Variants in INPP4B observed in about 807,000 individuals in gnomAD.
The protein encoded by INPP4B is inositol polyphosphate-4-phosphatase type II B.
INPP4B carries 55 observed loss-of-function variants against 122.5 expected under a neutral mutation model. The ratio of observed to expected loss-of-function variants is 0.45; its 90% CI spans 0.36 to 0.56. The LOEUF is 0.56. Among genes scored for constraint, INPP4B ranks in the 20% least tolerant of loss-of-function variants. INPP4B has a pLI of 0.00. For missense variants in INPP4B, 1,000 were observed against 1,097.7 expected, an observed-to-expected ratio of 0.91 and a Z score of 1.26; for synonymous variants, 403 against 388.7, an observed-to-expected ratio of 1.04 and a Z score of -0.43.
chr4:142,080,155 G>A (rs1417189751), intron 25 of INPP4B, among the ~76,000 whole-genome samples: 1 of 152,044 alleles, frequency 6.6e-6, no homozygotes, highest in Non-Finnish European at 1.5e-5. Flanking sequence ...GGCACTAAGA[G>A]GCAGTGAGAG....
intron 2 of INPP4B, among the ~76,000 whole-genome samples, chr4:142,601,371 G>A (rs191416206): frequency 2.1e-4 from 32 of 151,950 alleles, no homozygotes; most frequent in African/African-American, 7.7e-4. Context: ...TAACAGTATG[G>A]TATAAAATTA....
intron 1 of INPP4B, among the ~76,000 whole-genome samples, chr4:142,831,150 C>T (rs1257199677): frequency 2.6e-5 from 4 of 152,164 alleles, no homozygotes; most frequent in Non-Finnish European, 5.9e-5. Context: ...GATACATCCT[C>T]CCCTCACCCA....
chr4:142,158,392 T>C (rs942766914), intron 17 of INPP4B, among the ~76,000 whole-genome samples: 4 of 152,090 alleles, frequency 2.6e-5, no homozygotes, highest in African/African-American at 9.7e-5. Context: ...AGGGCCAACG[T>C]TGTTCACCTG....
intron 2 of INPP4B, among the ~76,000 whole-genome samples, chr4:142,471,365 T>C (rs570011080): frequency 6.6e-6 from 1 of 152,334 alleles, no homozygotes; most frequent in African/African-American, 2.4e-5. Flanking sequence ...GTCAATGTGT[T>C]GGCAGTAGTT....
chr4:142,353,291 C>A (rs1018442664), intron 7 of INPP4B, among the ~76,000 whole-genome samples: 4 of 151,932 alleles, frequency 2.6e-5, no homozygotes, highest in Non-Finnish European at 4.4e-5. Flanking sequence ...TTCTAAGTTG[C>A]AAGCATAAAT....
At chr4:142,239,955 T>TA (rs1214346818) in intron 11 of INPP4B, among the ~76,000 whole-genome samples, 1 of 152,138 alleles carries the variant, frequency 6.6e-6, no homozygotes, top group African/African-American at 2.4e-5. Flanking sequence ...TGCTTGCCTT[T>TA]TATACATCAA....
At chr4:142,514,959 C>G (rs1253968766) in intron 2 of INPP4B, among the ~76,000 whole-genome samples, 1 of 151,934 alleles carries the variant, frequency 6.6e-6, no homozygotes, top group Non-Finnish European at 1.5e-5. Flanking sequence ...CCATGCCTGG[C>G]TAATTTTTGT....
chr4:142,743,035 G>C (rs1561020607), intron 1 of INPP4B, among the ~76,000 whole-genome samples: 1 of 151,906 alleles, frequency 6.6e-6, no homozygotes, highest in Non-Finnish European at 1.5e-5. Context: ...GAAGAAAACA[G>C]AAAATCTCAA....
intron 2 of INPP4B, among the ~76,000 whole-genome samples, chr4:142,601,902 G>A (rs1740035214): frequency 6.7e-6 from 1 of 148,670 alleles, no homozygotes; most frequent in South Asian, 2.1e-4. Flanking sequence ...CCGGGAGGCG[G>A]AGCTTGCAGT....
intron 19 of INPP4B, 47 bp from the exon 20 acceptor site, chr4:142,123,462 T>C (rs1291727680): frequency 6.3e-7 from 1 of 1,580,940 alleles, no homozygotes; most frequent in Non-Finnish European, 8.6e-7. Flanking sequence ...GCAAACGTAT[T>C]TGTTTTATTT....
chr4:142,260,253 G>C (rs1739194428), intron 11 of INPP4B, among the ~76,000 whole-genome samples: 1 of 152,016 alleles, frequency 6.6e-6, no homozygotes, highest in Non-Finnish European at 1.5e-5. Flanking sequence ...CAAAGTGCTG[G>C]GATTACGGAC....
chr4:142,723,700 A>T (rs1764983237), intron 2 of INPP4B, among the ~76,000 whole-genome samples: 1 of 152,156 alleles, frequency 6.6e-6, no homozygotes, highest in Non-Finnish European at 1.5e-5. Context: ...GTATACTAAG[A>T]AAAGCTGAAT....
intron 7 of INPP4B, among the ~76,000 whole-genome samples, chr4:142,340,415 T>TTTA (rs74762086): frequency 6.6e-6 from 1 of 152,088 alleles, no homozygotes; most frequent in Non-Finnish European, 1.5e-5. Flanking sequence ...TTTTTCTCTT[T>TTTA]AAAATTTTTA....
chr4:142,031,014 T>C (rs1739617323), intron 25 of INPP4B, among the ~76,000 whole-genome samples: 1 of 152,172 alleles, frequency 6.6e-6, no homozygotes, highest in Non-Finnish European at 1.5e-5. Context: ...TACAGAGTGA[T>C]ACCACAGAAA....
chr4:142,190,707 G>T (rs1258851006), intron 15 of INPP4B, among the ~76,000 whole-genome samples: 2 of 146,848 alleles, frequency 1.4e-5, no homozygotes, highest in Non-Finnish European at 3.0e-5. Context: ...ATTAACCCAA[G>T]ATCTGTAAGA....
chr4:142,327,940 C>T (rs1167315953), intron 7 of INPP4B, among the ~76,000 whole-genome samples: 4 of 152,150 alleles, frequency 2.6e-5, no homozygotes, highest in South Asian at 4.1e-4. Flanking sequence ...TCCTATGTTG[C>T]CTAAACTCAG....
At chr4:142,769,427 G>A (rs1383484700) in intron 1 of INPP4B, among the ~76,000 whole-genome samples, 1 of 152,136 alleles carries the variant, frequency 6.6e-6, no homozygotes, top group South Asian at 2.1e-4. Context: ...CGATATTTTA[G>A]TAAACTATAA....
intron 2 of INPP4B, among the ~76,000 whole-genome samples, chr4:142,480,117 A>G (rs556806879): frequency 1.0e-3 from 157 of 152,310 alleles, no homozygotes; most frequent in African/African-American, 3.6e-3. Context: ...TGTGCCAAAT[A>G]TAGAAAGATT....
intron 1 of INPP4B, among the ~76,000 whole-genome samples, chr4:142,784,222 G>T (rs983383964): frequency 1.3e-5 from 2 of 151,922 alleles, no homozygotes; most frequent in African/African-American, 4.8e-5. Context: ...AATTAGCCGG[G>T]CGTGGTGGCA....
Sources: allele counts gnomAD v4.1 joint callset (sites outside exome capture counted in the v4.1 genomes callset), GRCh38; gene constraint gnomAD v4.1.1; transcripts MANE v1.5; gene names NCBI Gene and HGNC (gene_info 2026-07-23, HGNC 2026-07-21).